VPS8: variants seen among roughly 807,000 people sequenced by gnomAD.
VPS8 encodes the protein vacuolar protein sorting-associated protein 8 homolog.
VPS8 carries 129 observed loss-of-function variants against 216.4 expected under a neutral mutation model. The observed-to-expected ratio is 0.60, with a 90% CI of 0.52 to 0.69. The LOEUF (loss-of-function observed/expected upper bound fraction) is 0.69, where lower values mean the gene tolerates loss of function less well. Ranked by LOEUF, VPS8 falls within the 30% of genes least tolerant of loss-of-function variation. The pLI, the probability that VPS8 is intolerant of heterozygous loss-of-function variation, is 0.00. For synonymous variants in VPS8, 571 were observed against 565.4 expected, an observed-to-expected ratio of 1.01 and a Z score of -0.14; for missense variants, 1,531 against 1,683.5, an observed-to-expected ratio of 0.91 and a Z score of 1.59.
rs746039383 is a variant in VPS8 at position 184,868,985 on chromosome 3, G to C, written c.1546G>C (p.Ala516Pro). The change falls in exon 19 of 48, where the codon GCG (alanine) becomes CCG (proline). Residue 516 changes from alanine to proline, a missense_variant. Physicochemically the swap from Ala to Pro is conservative, Grantham distance 27. Transcript: ENST00000625842. Reference protein sequence around the residue: ...HLLKQDCLTEALALAWSFHEG... With the variant: ...HLLKQDCLTEPLALAWSFHEG... ...CCTGAAACAAGATTGTCTTACAGAA[G>C]CGTTGGCTCTTGCGTGGTCTTTCCA... 2 of 1,610,938 alleles carry C rather than the reference G, an allele frequency of 1.2e-6. No homozygotes were observed. Among genetic ancestry groups the C allele is most frequent in the Non-Finnish European group, 1.7e-6 (2 of 1,178,668 alleles).
At chr3:184,916,490 C>A (rs1737620958) in intron 28 of VPS8, among the ~76,000 whole-genome samples, 1 of 151,950 alleles carries the variant, frequency 6.6e-6, no homozygotes, top group Non-Finnish European at 1.5e-5. Flanking sequence ...CCTAATAAGC[C>A]TATACTACTT....
At chr3:184,989,747 G>T (rs1270367371) in intron 42 of VPS8, among the ~76,000 whole-genome samples, 2 of 151,998 alleles carry the variant, frequency 1.3e-5, no homozygotes, top group South Asian at 2.1e-4. Context: ...TTTGGTATTA[G>T]GGTGATGCTG....
chr3:184,891,235 A>G (rs1484808953), intron 22 of VPS8, among the ~76,000 whole-genome samples: 1 of 152,164 alleles, frequency 6.6e-6, no homozygotes, highest in African/African-American at 2.4e-5. Context: ...GGCTTGTGTT[A>G]TGTATGCATC....
At chr3:184,958,082 C>T (rs1745922393) in intron 37 of VPS8, among the ~76,000 whole-genome samples, 1 of 152,130 alleles carries the variant, frequency 6.6e-6, no homozygotes, top group African/African-American at 2.4e-5. Context: ...GTTCAGTGCC[C>T]CCTTTGAAAC....
chr3:184,986,108 A>G (rs539111055), intron 42 of VPS8, among the ~76,000 whole-genome samples: 1 of 152,318 alleles, frequency 6.6e-6, no homozygotes, highest in East Asian at 1.9e-4. Context: ...AAGGAGTACC[A>G]ATAAAAGTAT....
intron 46 of VPS8, among the ~76,000 whole-genome samples, chr3:185,032,150 C>T (rs1181908312): frequency 5.9e-5 from 9 of 151,464 alleles, no homozygotes; most frequent in Admixed American, 2.0e-4. Flanking sequence ...GACAACAGAG[C>T]GAGATTTTGT....
intron 36 of VPS8, among the ~76,000 whole-genome samples, chr3:184,943,710 G>A (rs1223276168): frequency 1.3e-5 from 2 of 152,218 alleles, no homozygotes; most frequent in African/African-American, 2.4e-5. Context: ...TGGTGTGTAT[G>A]TATCATCTCA....
chr3:185,029,623 G>C (rs1757839987), intron 46 of VPS8, among the ~76,000 whole-genome samples: 1 of 151,088 alleles, frequency 6.6e-6, no homozygotes, highest in Non-Finnish European at 1.5e-5. Context: ...GGAGTGCAGT[G>C]GTGTGATCTC....
chr3:184,944,811 A>G (rs1388482328), intron 36 of VPS8, among the ~76,000 whole-genome samples: 1 of 152,202 alleles, frequency 6.6e-6, no homozygotes, highest in Non-Finnish European at 1.5e-5. Flanking sequence ...GGAGCAAGAT[A>G]TAGATTATGG....
At chr3:184,966,580 G>C in intron 38 of VPS8, 91 bp from the exon 39 acceptor site, 3 of 806,412 alleles carry the variant, frequency 3.7e-6, no homozygotes, top group African/African-American at 3.4e-5. Context: ...AGTTTTGAGG[G>C]GTTTACCTTT....
chr3:184,964,305 A>G (rs1395681270), intron 37 of VPS8, among the ~76,000 whole-genome samples, 163 bp from the exon 38 acceptor site: 6 of 152,272 alleles, frequency 3.9e-5, no homozygotes, highest in Non-Finnish European at 7.4e-5. Flanking sequence ...ATGATCTACT[A>G]TATGACTAGA....
intron 42 of VPS8, among the ~76,000 whole-genome samples, chr3:184,989,412 T>C (rs1751569083): frequency 6.6e-6 from 1 of 152,080 alleles, no homozygotes; most frequent in Admixed American, 6.5e-5. Context: ...TGGATTACAG[T>C]AATTGATTTT....
At chr3:184,910,408 G>C (rs1736283464) in intron 25 of VPS8, among the ~76,000 whole-genome samples, 3 of 152,260 alleles carry the variant, frequency 2.0e-5, no homozygotes, top group Middle Eastern at 6.8e-3. Flanking sequence ...AGCCACAGAG[G>C]TGGTAATTTA....
chr3:184,984,194 A>AAAAAAAAAAAAAAAAAAAAAAACCAAG, intron 42 of VPS8, among the ~76,000 whole-genome samples: 4 of 46,524 alleles, frequency 8.6e-5, no homozygotes, highest in East Asian at 7.3e-4. Flanking sequence ...AAAAAAAAAA[A>AAAAAAAAAAAAAAAAAAAAAAACCAAG]CTCTACTTCC....
At chr3:184,914,022 G>C (rs1479360223) in intron 26 of VPS8, among the ~76,000 whole-genome samples, 5 of 152,170 alleles carry the variant, frequency 3.3e-5, no homozygotes, top group Non-Finnish European at 5.9e-5. Context: ...TAGTAACAGA[G>C]GTAAAACTAG....
At chr3:184,914,928 G>A in intron 26 of VPS8, 53 bp from the exon 27 acceptor site, 1 of 1,540,848 alleles carries the variant, frequency 6.5e-7, no homozygotes, top group East Asian at 2.2e-5. Context: ...TTACTCGCTT[G>A]AAAGTTATCC....
intron 21 of VPS8, among the ~76,000 whole-genome samples, chr3:184,885,578 C>T (rs865903534): frequency 1.3e-5 from 2 of 152,292 alleles, no homozygotes; most frequent in South Asian, 2.1e-4. Context: ...ACCAGCAGGA[C>T]CAACTGTATC....
chr3:184,828,384 G>T (rs6785281), intron 3 of VPS8, among the ~76,000 whole-genome samples: 6 of 151,718 alleles, frequency 4.0e-5, no homozygotes, highest in Non-Finnish European at 7.4e-5. Context: ...AGTGATCTGC[G>T]GGCCTCGGCC....
intron 22 of VPS8, among the ~76,000 whole-genome samples, chr3:184,889,453 C>G (rs536622684): frequency 6.6e-6 from 1 of 152,114 alleles, no homozygotes; most frequent in African/African-American, 2.4e-5. Flanking sequence ...TACATACACA[C>G]TCTTAGGTCA....
Sources: allele counts gnomAD v4.1 joint callset (sites outside exome capture counted in the v4.1 genomes callset), GRCh38; gene constraint gnomAD v4.1.1; transcripts MANE v1.5; gene names NCBI Gene and HGNC (gene_info 2026-07-23, HGNC 2026-07-21).